The following OLFM2 variants were observed in gnomAD, a reference collection of about 807,000 sequenced individuals.
OLFM2 encodes noelin-2.
OLFM2 carries 20 observed loss-of-function variants against 43.9 expected under a neutral mutation model. That is an observed-to-expected ratio of 0.46 (90% CI 0.32 to 0.66). The LOEUF is 0.66. Ranked by LOEUF, OLFM2 falls within the 30% of genes least tolerant of loss-of-function variation. The pLI, the probability that OLFM2 is intolerant of heterozygous loss-of-function variation, is 0.04. For missense variants in OLFM2, 416 were observed against 643.6 expected (o/e 0.65, Z 3.83); for synonymous variants, 268 against 278.6 (o/e 0.96, Z 0.38).
chr19:9,857,598 A>G lies in OLFM2; in HGVS notation c.361-116T>C, dbSNP rs1171721641. 3.8e-6 allele frequency: 6 copies of G among 1,561,586 alleles called. No homozygotes were observed. Among genetic ancestry groups the G allele is most frequent in the Non-Finnish European group, 5.3e-6 (6 of 1,137,818 alleles). ...GTCTTTGATGCACACCTGGCCCTTG[A>G]CATGTGGCTCATATTGGACCCTAGA... On this transcript the variant is annotated intron_variant, in intron 3 of 5. Transcript: ENST00000264833. The surrounding 1 kb of genome is among the most constrained non-coding windows in gnomAD (Gnocchi z 5.7).
intron 1 of OLFM2, among the ~76,000 whole-genome samples, chr19:9,901,056 GAGGGAGGGA>G (rs1190699103): frequency 7.6e-5 from 5 of 66,118 alleles, no homozygotes; most frequent in East Asian, 1.2e-3. Context: ...GGAAGGGAGG[GAGGGAGGGA>G]AGGGAGGGAA....
intron 1 of OLFM2, among the ~76,000 whole-genome samples, chr19:9,893,156 AT>A (rs2067877908): frequency 7.1e-6 from 1 of 141,024 alleles, no homozygotes; most frequent in Admixed American, 7.9e-5. Context: ...GGCATCTTTT[AT>A]TTTTTTTCTT....
At chr19:9,894,840 G>A (rs945456233) in intron 1 of OLFM2, among the ~76,000 whole-genome samples, 19 of 151,952 alleles carry the variant, frequency 1.3e-4, no homozygotes, top group Admixed American at 4.6e-4. Flanking sequence ...TTACCAAAGC[G>A]TCCATCAACA....
At chr19:9,930,426 T>C (rs2086475767) in intron 1 of OLFM2, among the ~76,000 whole-genome samples, 1 of 152,154 alleles carries the variant, frequency 6.6e-6, no homozygotes, top group African/African-American at 2.4e-5. Context: ...CTCTGTACCA[T>C]GTACCTGTCA....
chr19:9,891,759 G>C (rs76354381), intron 1 of OLFM2, among the ~76,000 whole-genome samples: 5,300 of 152,248 alleles, frequency 0.035, 128 homozygotes, highest in Non-Finnish European at 0.054. Context: ...GAGACTTGGG[G>C]GCTGTTTTGT....
intron 1 of OLFM2, among the ~76,000 whole-genome samples, chr19:9,868,045 G>C (rs2046416220): frequency 6.6e-6 from 1 of 151,454 alleles, no homozygotes; most frequent in Non-Finnish European, 1.5e-5. Flanking sequence ...TGGGACTACA[G>C]GTGTGAGCCA....
At chr19:9,930,727 G>A (rs928116826) in intron 1 of OLFM2, among the ~76,000 whole-genome samples, 3 of 151,534 alleles carry the variant, frequency 2.0e-5, no homozygotes, top group African/African-American at 4.9e-5. Flanking sequence ...GGTGCTGTGC[G>A]CCTATAATCC....
At chr19:9,909,110 A>C (rs775662132) in intron 1 of OLFM2, among the ~76,000 whole-genome samples, 1 of 152,020 alleles carries the variant, frequency 6.6e-6, no homozygotes, top group Non-Finnish European at 1.5e-5. Context: ...AAAGCTTGAG[A>C]ATTATAGGCA....
chr19:9,895,066 G>A (rs2046671728), intron 1 of OLFM2, among the ~76,000 whole-genome samples: 1 of 151,894 alleles, frequency 6.6e-6, no homozygotes, highest in South Asian at 2.1e-4. Flanking sequence ...CAGACACCCG[G>A]GCATTATCCT....
intron 1 of OLFM2, among the ~76,000 whole-genome samples, chr19:9,930,642 C>G (rs1199173759): frequency 6.6e-6 from 1 of 151,168 alleles, no homozygotes; most frequent in Non-Finnish European, 1.5e-5. Context: ...GTCTGGAGTT[C>G]GAGACCAGAG....
At chr19:9,900,980 A>AGGG (rs2046728728) in intron 1 of OLFM2, among the ~76,000 whole-genome samples, 1 of 39,450 alleles carries the variant, frequency 2.5e-5, no homozygotes, top group African/African-American at 2.3e-4. Context: ...GGAAGGAAGG[A>AGGG]AGGAAGGAAG....
intron 1 of OLFM2, among the ~76,000 whole-genome samples, chr19:9,932,087 C>A (rs1411015020): frequency 6.6e-6 from 1 of 152,062 alleles, no homozygotes; most frequent in Non-Finnish European, 1.5e-5. Flanking sequence ...CTAGCTGAAC[C>A]CTGATAAACT....
chr19:9,880,673 C>T (rs2046532140), intron 1 of OLFM2, among the ~76,000 whole-genome samples: 2 of 152,196 alleles, frequency 1.3e-5, no homozygotes, highest in African/African-American at 4.8e-5. Flanking sequence ...CGTGAAGATA[C>T]AGTAAGAAGG....
intron 1 of OLFM2, among the ~76,000 whole-genome samples, chr19:9,928,937 C>T (rs1163968704): frequency 6.6e-6 from 1 of 152,100 alleles, no homozygotes; most frequent in East Asian, 1.9e-4. Flanking sequence ...AGTTGCAAGA[C>T]ACACTGAGGT....
At chr19:9,922,351 C>G (rs576501691) in intron 1 of OLFM2, among the ~76,000 whole-genome samples, 26 of 152,044 alleles carry the variant, frequency 1.7e-4, no homozygotes, top group Non-Finnish European at 3.4e-4. Context: ...GGGCAAAAGA[C>G]TTAGACATTT....
intron 1 of OLFM2, among the ~76,000 whole-genome samples, chr19:9,886,125 C>G (rs899592114): frequency 6.6e-6 from 1 of 150,936 alleles, no homozygotes; most frequent in Non-Finnish European, 1.5e-5. Flanking sequence ...GTGCTGGAAA[C>G]TTACGTCTCT....
At chr19:9,864,707 G>A (rs771726967) in intron 1 of OLFM2, among the ~76,000 whole-genome samples, 7 of 150,298 alleles carry the variant, frequency 4.7e-5, no homozygotes, top group Non-Finnish European at 8.9e-5. Context: ...CTGCAGCCTC[G>A]AACTCCTGGG....
chr19:9,929,064 GAGAT>G (rs2086468783), intron 1 of OLFM2, among the ~76,000 whole-genome samples: 7 of 152,052 alleles, frequency 4.6e-5, no homozygotes, highest in Admixed American at 4.6e-4. Context: ...AAGAAAAAAA[GAGAT>G]AGAATGGGCT....
chr19:9,897,327 C>CA (rs1160281673), intron 1 of OLFM2, among the ~76,000 whole-genome samples: 22,293 of 93,102 alleles, frequency 0.24, 2,876 homozygotes, highest in Non-Finnish European at 0.31. Flanking sequence ...GACTTCGTCT[C>CA]AAAAAAAAAA....
Sources: allele counts gnomAD v4.1 joint callset (sites outside exome capture counted in the v4.1 genomes callset), GRCh38; gene constraint gnomAD v4.1.1; non-coding constraint Gnocchi (gnomAD v3.1); transcripts MANE v1.5; gene names NCBI Gene and HGNC (gene_info 2026-07-23, HGNC 2026-07-21).